MAGI2: variants seen among roughly 807,000 people sequenced by gnomAD.
MAGI2 encodes membrane-associated guanylate kinase, WW and PDZ domain-containing protein 2.
A neutral mutation model predicts 133.3 loss-of-function variants in MAGI2; 35 were observed. The ratio of observed to expected loss-of-function variants is 0.26; its 90% CI spans 0.20 to 0.35. The LOEUF is 0.35. Ranked by LOEUF, MAGI2 falls within the 10% of genes least tolerant of loss-of-function variation. The pLI, the probability that MAGI2 is intolerant of heterozygous loss-of-function variation, is 1.00. For missense variants in MAGI2, 1,636 were observed against 1,863.4 expected, an observed-to-expected ratio of 0.88 and a Z score of 2.25; for synonymous variants, 729 against 710.6, an observed-to-expected ratio of 1.03 and a Z score of -0.41.
rs1185101390 is a variant in MAGI2, at chr7:79,368,293, T to C, written c.301+84727A>G. On this transcript the variant is annotated intron_variant, in intron 1 of 21. Coordinates refer to ENST00000354212, the MANE Select transcript of MAGI2 (RefSeq NM_012301.4). ...ATTAGCAGAAATCCTAGTGAAAGCT[T>C]TGTACTTTCCCTAGACAGAAACTGG... Among the ~76,000 whole-genome samples, 3 of 151,924 alleles carry C rather than the reference T, an allele frequency of 2.0e-5. No individual in the cohort carries two copies. In the East Asian group the frequency reaches 5.8e-4, roughly 30 times the overall value.
At chr7:79,159,701 T>C (rs1208980330) in intron 1 of MAGI2, among the ~76,000 whole-genome samples, 1 of 152,124 alleles carries the variant, frequency 6.6e-6, no homozygotes, top group African/African-American at 2.4e-5. Flanking sequence ...TCTGTCTCTT[T>C]AACATTCTTC....
intron 2 of MAGI2, among the ~76,000 whole-genome samples, chr7:78,903,815 G>A (rs938289129): frequency 9.2e-5 from 14 of 152,116 alleles, no homozygotes; most frequent in African/African-American, 2.4e-4. Flanking sequence ...TGAACAACTT[G>A]AGATATTTAT....
At position 78,705,690 on chromosome 7, in the gene MAGI2, A is replaced by C. The variant is rs75151441; in HGVS notation, c.419-78451T>G. Among the ~76,000 whole-genome samples, 1,432 of 152,216 alleles carry C rather than the reference A, an allele frequency of 9.4e-3. 26 individuals are homozygous for C. Among genetic ancestry groups the C allele is most frequent in the African/African-American group, 0.033 (1,356 of 41,554 alleles). ...ACATCGTTTTGTGTCATGTAGGCCA[A>C]TATTTTCTGGGAGAACTGTGAAAGA... On this transcript the variant is annotated intron_variant, in intron 2 of 21. Coordinates refer to ENST00000354212, the MANE Select transcript of MAGI2 (RefSeq NM_012301.4).
intron 9 of MAGI2, among the ~76,000 whole-genome samples, chr7:78,271,928 TG>T (rs1251768108): frequency 6.6e-6 from 1 of 152,206 alleles, no homozygotes; most frequent in African/African-American, 2.4e-5. Context: ...AAGGGTTTTT[TG>T]TGTCTCTATC....
chr7:78,657,613 G>T (rs1005789737), intron 2 of MAGI2, among the ~76,000 whole-genome samples: 1 of 143,214 alleles, frequency 7.0e-6, no homozygotes, highest in Admixed American at 6.8e-5. Flanking sequence ...AAAGGCAAAA[G>T]TTTGGCGACT....
chr7:78,406,139 A>G (rs1797352562), intron 6 of MAGI2, among the ~76,000 whole-genome samples: 1 of 152,040 alleles, frequency 6.6e-6, no homozygotes, highest in Non-Finnish European at 1.5e-5. Context: ...AAAAGACAGT[A>G]AATTATAGAT....
At chr7:79,100,429 G>A (rs1303442612) in intron 1 of MAGI2, among the ~76,000 whole-genome samples, 1 of 151,684 alleles carries the variant, frequency 6.6e-6, no homozygotes, top group Non-Finnish European at 1.5e-5. Flanking sequence ...TGAAAAATAT[G>A]TCATTGTTTC....
At chr7:78,830,277 T>C (rs1791028088) in intron 2 of MAGI2, among the ~76,000 whole-genome samples, 1 of 152,124 alleles carries the variant, frequency 6.6e-6, no homozygotes, top group South Asian at 2.1e-4. Flanking sequence ...TTTATGAAAA[T>C]TCCTATGTAT....
intron 9 of MAGI2, chr7:78,285,623 C>G (rs1796066391): frequency 6.6e-6 from 1 of 152,132 alleles, no homozygotes; most frequent in African/African-American, 2.4e-5. Flanking sequence ...CGCCAGAGTT[C>G]TCACTCCTAA....
chr7:78,642,360 A>C (rs531668173), intron 2 of MAGI2, among the ~76,000 whole-genome samples: 1 of 152,348 alleles, frequency 6.6e-6, no homozygotes, highest in Admixed American at 6.5e-5. Context: ...ATATGAAAAT[A>C]AGGCAAAGAA....
At chr7:79,375,088 C>A (rs746613257) in intron 1 of MAGI2, among the ~76,000 whole-genome samples, 2 of 151,960 alleles carry the variant, frequency 1.3e-5, no homozygotes, top group Non-Finnish European at 1.5e-5. Context: ...ATAATGTTCT[C>A]ACTTCTTATA....
intron 3 of MAGI2, among the ~76,000 whole-genome samples, chr7:78,606,372 G>C (rs950141859): frequency 6.6e-6 from 1 of 152,050 alleles, no homozygotes; most frequent in Non-Finnish European, 1.5e-5. Context: ...AGGCCTCTTT[G>C]CATATGATGG....
At chr7:79,245,705 C>T (rs773769737) in intron 1 of MAGI2, among the ~76,000 whole-genome samples, 12 of 152,200 alleles carry the variant, frequency 7.9e-5, no homozygotes, top group Non-Finnish European at 1.8e-4. Context: ...TCAGGGAGAA[C>T]TTGCCACCCT....
chr7:79,139,660 G>A (rs192038888), intron 1 of MAGI2, among the ~76,000 whole-genome samples: 46 of 152,276 alleles, frequency 3.0e-4, no homozygotes, highest in African/African-American at 6.7e-4. Context: ...GTAACTGGGA[G>A]TACTATACAC....
chr7:78,795,802 A>C (rs1158860775), intron 2 of MAGI2, among the ~76,000 whole-genome samples: 2 of 152,116 alleles, frequency 1.3e-5, no homozygotes, highest in Non-Finnish European at 2.9e-5. Context: ...CATATAGACC[A>C]ATGGAACAGA....
chr7:78,214,543 C>T (rs973215310), intron 10 of MAGI2, among the ~76,000 whole-genome samples: 13 of 152,166 alleles, frequency 8.5e-5, no homozygotes, highest in Non-Finnish European at 4.4e-5. Context: ...TTAGCATAAT[C>T]TATTAATGTT....
intron 3 of MAGI2, among the ~76,000 whole-genome samples, chr7:78,549,036 A>C (rs989621328): frequency 3.3e-5 from 5 of 152,248 alleles, no homozygotes; most frequent in Admixed American, 6.5e-5. Flanking sequence ...TATTTTCTAT[A>C]AATAGATTGC....
chr7:78,944,436 G>A (rs1051733653), intron 2 of MAGI2, among the ~76,000 whole-genome samples: 1 of 152,090 alleles, frequency 6.6e-6, no homozygotes, highest in Non-Finnish European at 1.5e-5. Flanking sequence ...GGTCTCCTCT[G>A]AGTAGCCAGT....
intron 21 of MAGI2, among the ~76,000 whole-genome samples, chr7:78,058,503 G>A (rs1352244318): frequency 5.7e-5 from 8 of 141,162 alleles, no homozygotes; most frequent in Admixed American, 2.9e-4. Flanking sequence ...ACGGAGTTTC[G>A]CTTTGTTGCC....
Sources: allele counts gnomAD v4.1 joint callset (sites outside exome capture counted in the v4.1 genomes callset), GRCh38; gene constraint gnomAD v4.1.1; transcripts MANE v1.5; gene names NCBI Gene and HGNC (gene_info 2026-07-23, HGNC 2026-07-21).